Variants in CNTN3 observed in about 807,000 individuals in gnomAD.
The protein encoded by CNTN3 is contactin-3.
CNTN3 carries 60 observed loss-of-function variants against 119.1 expected under a neutral mutation model. The ratio of observed to expected loss-of-function variants is 0.50; its 90% CI spans 0.41 to 0.62. The LOEUF is 0.62. Ranked by LOEUF, CNTN3 falls within the 20% of genes least tolerant of loss-of-function variation. CNTN3 has a pLI of 0.00. For synonymous variants in CNTN3, 450 were observed against 438.7 expected (o/e 1.03, Z -0.32); for missense variants, 1,101 against 1,242.4 (o/e 0.89, Z 1.71).
chr3:74,501,336 G>T (rs1013260106), intron 2 of CNTN3, among the ~76,000 whole-genome samples: 5 of 151,932 alleles, frequency 3.3e-5, no homozygotes, highest in African/African-American at 1.2e-4. Flanking sequence ...TCTAGACACG[G>T]AGGCTCAACG....
rs60191749 is a variant in CNTN3 at position 74,375,193 on chromosome 3, G to A, written c.455-3794C>T. ...AATCAAGAGAGTAAAGATCCTTGACGAACAACAAAGAAAAACTAACTCTAA... is the reference window on the plus strand; with the variant it reads ...AATCAAGAGAGTAAAGATCCTTGACAAACAACAAAGAAAAACTAACTCTAA... On this transcript the variant is annotated intron_variant, in intron 5 of 22. Transcript: ENST00000263665. Among the ~76,000 whole-genome samples the A allele has an allele frequency of 4.4e-3, 665 of 152,114 alleles. 4 individuals are homozygous for A. The highest frequency in any genetic ancestry group is 0.015 in the African/African-American group (620 of 41,512).
At chr3:74,471,499 A>C (rs1262672736) in intron 4 of CNTN3, among the ~76,000 whole-genome samples, 3 of 152,162 alleles carry the variant, frequency 2.0e-5, no homozygotes, top group Non-Finnish European at 4.4e-5. Context: ...TCCTTGTTTG[A>C]ATCCTTGATC....
intron 13 of CNTN3, among the ~76,000 whole-genome samples, chr3:74,333,896 C>T (rs1460218223): frequency 1.3e-5 from 2 of 152,108 alleles, no homozygotes; most frequent in African/African-American, 2.4e-5. Context: ...ATTGACAAAA[C>T]CAGACTTGAC....
rs111420988 is a variant in CNTN3 at position 74,384,349 on chromosome 3, C to T, written c.455-12950G>A. Among the ~76,000 whole-genome samples the T allele has an allele frequency of 4.4e-3, 667 of 152,274 alleles. 3 individuals carry two copies. Among genetic ancestry groups the T allele is most frequent in the African/African-American group, 0.015 (626 of 41,552 alleles). On this transcript the variant is annotated intron_variant, in intron 5 of 22. Coordinates refer to ENST00000263665, the MANE Select transcript of CNTN3 (RefSeq NM_020872.3). ...ATCTCCTTGTGAAAAGAAAAAGCAG[C>T]AATCATGTGAGTATTCTTCCGCCAA...
In CNTN3 at chr3:74,365,556, G is replaced by A. The variant is rs1390049954; in HGVS notation, c.1083+10C>T. 3.7e-6 allele frequency: 6 copies of A among 1,613,132 alleles called. No individual in the cohort carries two copies. The highest frequency in any genetic ancestry group is 2.2e-5 in the South Asian group (2 of 91,060). On this transcript the variant is annotated intron_variant, in intron 9 of 22. Transcript: ENST00000263665. ...GCCTCTAAACCCATTTTAGGTCCAT[G>A]TTACCTTACCTCTAGCACCAGGGCT...
At chr3:74,556,419 T>C (rs998927081) in intron 1 of CNTN3, among the ~76,000 whole-genome samples, 3 of 152,218 alleles carry the variant, frequency 2.0e-5, no homozygotes, top group Admixed American at 1.3e-4. Flanking sequence ...TCTTTTGTAA[T>C]GCCTTCTCTC....
intron 13 of CNTN3, among the ~76,000 whole-genome samples, chr3:74,325,001 T>C (rs932473285): frequency 6.6e-6 from 1 of 152,172 alleles, no homozygotes; most frequent in African/African-American, 2.4e-5. Flanking sequence ...ACATGCACAT[T>C]AATACATGTA....
At chr3:74,305,012 A>G (rs1702530900) in intron 13 of CNTN3, among the ~76,000 whole-genome samples, 1 of 152,226 alleles carries the variant, frequency 6.6e-6, no homozygotes, top group Non-Finnish European at 1.5e-5. Context: ...AGTACTACAT[A>G]GAGACAAGAT....
At chr3:74,441,500 G>A (rs890023123) in intron 4 of CNTN3, among the ~76,000 whole-genome samples, 2 of 152,136 alleles carry the variant, frequency 1.3e-5, no homozygotes, top group African/African-American at 2.4e-5. Flanking sequence ...GCATTACACA[G>A]GATGCTGGTT....
intron 5 of CNTN3, among the ~76,000 whole-genome samples, chr3:74,385,596 C>A (rs1348858662): frequency 6.6e-6 from 1 of 152,114 alleles, no homozygotes; most frequent in Admixed American, 6.5e-5. Flanking sequence ...TTGATAAATT[C>A]ATTTAAACTC....
At chr3:74,575,283 G>A (rs1025355572) in intron 1 of CNTN3, among the ~76,000 whole-genome samples, 91 of 151,782 alleles carry the variant, frequency 6.0e-4, no homozygotes, top group African/African-American at 9.7e-5. Flanking sequence ...ATGAAATCTC[G>A]CTCTGTCACC....
chr3:74,599,610 C>T (rs563963536), intron 1 of CNTN3, among the ~76,000 whole-genome samples: 21 of 152,202 alleles, frequency 1.4e-4, no homozygotes, highest in African/African-American at 4.8e-4. Context: ...TCTCATGCCA[C>T]CACTGACCTG....
intron 5 of CNTN3, among the ~76,000 whole-genome samples, chr3:74,376,465 A>T (rs1044928365): frequency 6.6e-6 from 1 of 152,126 alleles, no homozygotes; most frequent in African/African-American, 2.4e-5. Flanking sequence ...CATGTGAGGG[A>T]TCTAGGTTGT....
chr3:74,300,941 A>T (rs914404185), intron 16 of CNTN3, among the ~76,000 whole-genome samples: 1 of 152,164 alleles, frequency 6.6e-6, no homozygotes, highest in African/African-American at 2.4e-5. Flanking sequence ...TCTTAATTCA[A>T]CACTTGAAGT....
rs188101243 is a variant in CNTN3, at chr3:74,338,814, T to C, written c.1365-2156A>G. Among the ~76,000 whole-genome samples, 186 of 152,210 alleles carry C rather than the reference T, an allele frequency of 1.2e-3. 2 individuals are homozygous for C. Among genetic ancestry groups the C allele is most frequent in the South Asian group, 1.9e-3 (9 of 4,824 alleles). ...ACCTAGAAAGCTCATCAGGGAACCA[T>C]GGCACTGCATGCCAACTTGAGGAAC... On this transcript the variant is annotated intron_variant, in intron 11 of 22. Transcript: ENST00000263665.
intron 4 of CNTN3, among the ~76,000 whole-genome samples, chr3:74,484,463 A>G (rs1161673912): frequency 6.6e-6 from 1 of 152,174 alleles, no homozygotes; most frequent in East Asian, 1.9e-4. Flanking sequence ...GAAATCCAAT[A>G]TAGATGATCA....
chr3:74,458,122 T>C (rs144129628), intron 4 of CNTN3, among the ~76,000 whole-genome samples: 1 of 152,124 alleles, frequency 6.6e-6, no homozygotes, highest in African/African-American at 2.4e-5. Context: ...AGTAATTCTA[T>C]AGAGACTGAA....
intron 13 of CNTN3, among the ~76,000 whole-genome samples, chr3:74,305,300 C>A (rs1702539622): frequency 6.6e-6 from 1 of 152,102 alleles, no homozygotes; most frequent in Non-Finnish European, 1.5e-5. Flanking sequence ...ACTCTTATTG[C>A]TGAAAGGAGT....
chr3:74,311,661 A>G (rs1702687556), intron 13 of CNTN3, among the ~76,000 whole-genome samples: 1 of 152,212 alleles, frequency 6.6e-6, no homozygotes, highest in African/African-American at 2.4e-5. Flanking sequence ...CTCAATAAAG[A>G]GACAAGTAAC....
Sources: gnomAD v4.1 joint callset for allele counts (sites outside exome capture counted in the v4.1 genomes callset) on GRCh38, gnomAD v4.1.1 for gene constraint, MANE v1.5 for transcripts, NCBI Gene and HGNC (gene_info 2026-07-23, HGNC 2026-07-21) for gene names.